The following NCOA6 variants were observed in gnomAD, a reference collection of about 807,000 sequenced individuals.
NCOA6 encodes NRC RAP250.
A neutral mutation model predicts 171.4 loss-of-function variants in NCOA6; 49 were observed. That is an observed-to-expected ratio of 0.29 (90% CI 0.23 to 0.36). NCOA6 has a LOEUF of 0.36. Among genes scored for constraint, NCOA6 ranks in the 10% least tolerant of loss-of-function variants. NCOA6 has a pLI of 1.00. For synonymous variants in NCOA6, 910 were observed against 927.5 expected (o/e 0.98, Z 0.34); for missense variants, 2,248 against 2,554.5 (o/e 0.88, Z 2.59).
chr20:34,743,419 A>T, intron 10 of NCOA6, 78 bp from the exon 11 acceptor site: 2 of 1,428,162 alleles, frequency 1.4e-6, no homozygotes, highest in Non-Finnish European at 1.9e-6. Flanking sequence ...ATAGCCAAGC[A>T]ATACTCATCT....
intron 4 of NCOA6, among the ~76,000 whole-genome samples, chr20:34,772,371 C>T (rs924705423): frequency 7.3e-5 from 11 of 151,164 alleles, no homozygotes; most frequent in Non-Finnish European, 1.3e-4. Context: ...ATCTATAATA[C>T]ATCATTTATA....
At chr20:34,719,328 T>C (rs758967579) in intron 14 of NCOA6, among the ~76,000 whole-genome samples, 3 of 152,124 alleles carry the variant, frequency 2.0e-5, no homozygotes, top group Non-Finnish European at 4.4e-5. Flanking sequence ...GTCTAAGTAA[T>C]TGTAAAAAAT....
Position 34,782,412 on chromosome 20 carries a change from G to GAGA in NCOA6, c.-49-11_-49-9dup. 1 of 1,076,006 alleles carries GAGA rather than the reference G, an allele frequency of 9.3e-7. No homozygotes were observed. The allele number at this position is 1,076,006 out of a possible 1,614,324, so 66.7% of individuals were successfully genotyped here. The stretch of plus-strand genomic sequence containing the variant: ...AGGACAATAAGAAAACTTCTGAAAA[G>GAGA]AGAAGATGCAAAAGAGCATTACAAT... On this transcript the variant is annotated splice_polypyrimidine_tract_variant and intron_variant, in intron 2 of 14. Coordinates refer to ENST00000359003, the MANE Select transcript of NCOA6 (RefSeq NM_014071.5).
chr20:34,811,394 G>A (rs1021972700), intron 1 of NCOA6, among the ~76,000 whole-genome samples: 7 of 151,244 alleles, frequency 4.6e-5, no homozygotes, highest in African/African-American at 1.5e-4. Flanking sequence ...TGTTGTCTAG[G>A]TGCAACAACC....
chr20:34,793,281 CAAAAT>C (rs2077954563), intron 1 of NCOA6, among the ~76,000 whole-genome samples: 2 of 152,112 alleles, frequency 1.3e-5, no homozygotes, highest in Non-Finnish European at 2.9e-5. Context: ...GAGCCCAAAA[CAAAAT>C]ATTTTGTACA....
At chr20:34,792,588 A>C in intron 1 of NCOA6, 25 bp from the exon 2 acceptor site, 1 of 398,566 alleles carries the variant, frequency 2.5e-6, no homozygotes. Context: ...CAACAACAAC[A>C]ACAAAAAGAG....
chr20:34,770,660 T>A (rs1466009332), intron 4 of NCOA6, among the ~76,000 whole-genome samples: 2 of 151,136 alleles, frequency 1.3e-5, no homozygotes. Context: ...AATCGGAGTG[T>A]CTCACTGTTG....
Position 34,757,581 on chromosome 20 carries a change from G to A in NCOA6, c.1167C>T (p.Asn389=). 1.2e-6 allele frequency: 2 copies of A among 1,614,000 alleles called. No homozygotes were observed. Among genetic ancestry groups the A allele is most frequent in the Non-Finnish European group, 1.7e-6 (2 of 1,179,926 alleles). Residue 389 remains asparagine, a synonymous_variant, in exon 7 of 15, where the codon AAC becomes AAT. Transcript: ENST00000359003. ...GSQQASQAHT[N]FPQMSNPGQF... Reference sequence around the variant, plus strand: ...GGCCTGGGTTGCTCATCTGAGGAAAGTTTGTGTGGGCTTGTGAGGCTTGCT... The same window carrying A: ...GGCCTGGGTTGCTCATCTGAGGAAAATTTGTGTGGGCTTGTGAGGCTTGCT...
chr20:34,729,702 T>C (rs577166334), intron 13 of NCOA6, among the ~76,000 whole-genome samples: 1 of 152,236 alleles, frequency 6.6e-6, no homozygotes, highest in African/African-American at 2.4e-5. Context: ...AGATTGTACA[T>C]CGTGTTCTAT....
intron 11 of NCOA6, chr20:34,739,060 G>A: frequency 2.3e-6 from 1 of 429,798 alleles, no homozygotes; most frequent in South Asian, 1.6e-5. Flanking sequence ...CTCACAGGAG[G>A]AGGAACATGT....
At chr20:34,788,958 T>C in intron 2 of NCOA6, among the ~76,000 whole-genome samples, 1 of 152,064 alleles carries the variant, frequency 6.6e-6, no homozygotes, top group Non-Finnish European at 1.5e-5. Context: ...AATAAATAAA[T>C]AAATAAATCT....
At chr20:34,818,090 G>C (rs943469776) in intron 1 of NCOA6, among the ~76,000 whole-genome samples, 3 of 152,140 alleles carry the variant, frequency 2.0e-5, no homozygotes. Flanking sequence ...TATGTAAAAA[G>C]GGATTAAAAA....
intron 1 of NCOA6, among the ~76,000 whole-genome samples, chr20:34,801,729 G>A (rs965849289): frequency 1.5e-4 from 23 of 152,176 alleles, no homozygotes; most frequent in South Asian, 2.1e-4. Context: ...GCCAGGCATG[G>A]TGGCACGTGC....
At chr20:34,753,015 T>C (rs920046436) in intron 8 of NCOA6, among the ~76,000 whole-genome samples, 10 of 151,268 alleles carry the variant, frequency 6.6e-5, no homozygotes, top group Admixed American at 2.6e-4. Flanking sequence ...GGTACAAGAA[T>C]GAGAAATGAC....
At chr20:34,796,119 C>A (rs1350695574) in intron 1 of NCOA6, among the ~76,000 whole-genome samples, 2 of 150,202 alleles carry the variant, frequency 1.3e-5, no homozygotes, top group East Asian at 2.0e-4. Context: ...CAAGTAACCT[C>A]CCACCTCAGC....
intron 8 of NCOA6, among the ~76,000 whole-genome samples, chr20:34,752,224 C>G (rs544015090): frequency 7.9e-5 from 12 of 152,288 alleles, no homozygotes; most frequent in African/African-American, 2.6e-4. Flanking sequence ...AGTCCATGCT[C>G]CAACTATGAA....
intron 5 of NCOA6, 121 bp from the exon 6 acceptor site, chr20:34,759,054 G>A (rs1568795215): frequency 4.7e-6 from 5 of 1,062,204 alleles, no homozygotes; most frequent in South Asian, 1.5e-5. Flanking sequence ...ACAGGGTCTC[G>A]CTCTGTTGCC....
chr20:34,749,268 T>C, intron 9 of NCOA6, 135 bp downstream of exon 9: 2 of 1,109,560 alleles, frequency 1.8e-6, no homozygotes, highest in South Asian at 3.2e-5. Context: ...AGACAGACTA[T>C]GAGTTGATAA....
rs2077919908 is a variant in NCOA6, at chr20:34,792,496, A to T, written c.-96T>A. On this transcript the variant is annotated 5_prime_UTR_variant, in exon 2 of 15. Transcript: ENST00000359003. ...TATCATTTATCCAGGTCATCTTCTA[A>T]GTCCAAAGAAGCTGGCATTTTTAGG... is the stretch of plus-strand genomic sequence containing the variant. 4 of 398,648 alleles carry T rather than the reference A, an allele frequency of 1.0e-5. No homozygotes were observed. Among genetic ancestry groups the T allele is most frequent in the African/African-American group, 2.1e-5 (1 of 48,614 alleles). The allele number at this position is 398,648 out of a possible 1,614,324, so 24.7% of individuals were successfully genotyped here. A position where few individuals can be genotyped will look rare whatever the true frequency, so the allele number is the denominator to read the frequency against.
Sources: gnomAD v4.1 joint callset for allele counts (sites outside exome capture counted in the v4.1 genomes callset) on GRCh38, gnomAD v4.1.1 for gene constraint, MANE v1.5 for transcripts, NCBI Gene and HGNC (gene_info 2026-07-23, HGNC 2026-07-21) for gene names.